The following ITPRID1 variants were observed in gnomAD, a reference collection of about 807,000 sequenced individuals.
ITPRID1 encodes protein ITPRID1.
Under a neutral mutation model 95.4 loss-of-function variants are expected in ITPRID1, and 96 were observed. The observed-to-expected ratio is 1.01, with a 90% CI of 0.85 to 1.19. The LOEUF (loss-of-function observed/expected upper bound fraction) is 1.19. ITPRID1 is among the 50% of genes most tolerant of loss of function. The pLI is 0.00. For missense variants in ITPRID1, 1,339 were observed against 1,252.9 expected, an observed-to-expected ratio of 1.07 and a Z score of -1.04; for synonymous variants, 510 against 453.6, an observed-to-expected ratio of 1.12 and a Z score of -1.58.
chr7:31,530,065 T>G (rs1351727243), intron 1 of ITPRID1, among the ~76,000 whole-genome samples: 2 of 152,158 alleles, frequency 1.3e-5, no homozygotes, highest in Non-Finnish European at 2.9e-5. Flanking sequence ...CCCCCAGGAC[T>G]ACCTAGGTGG....
intron 1 of ITPRID1, among the ~76,000 whole-genome samples, chr7:31,527,846 T>TA (rs1469407456): frequency 2.0e-5 from 3 of 152,208 alleles, no homozygotes; most frequent in Non-Finnish European, 4.4e-5. Context: ...CAACTTATTT[T>TA]AACTATCTCT....
At chr7:31,558,623 G>A (rs187646907) in intron 5 of ITPRID1, among the ~76,000 whole-genome samples, 107 of 152,296 alleles carry the variant, frequency 7.0e-4, no homozygotes, top group Non-Finnish European at 1.2e-3. Flanking sequence ...TAATAATGTA[G>A]TTTGTACTTA....
chr7:31,615,059 TAAAGAGAA>T (rs1011120733), intron 10 of ITPRID1, among the ~76,000 whole-genome samples: 3 of 152,134 alleles, frequency 2.0e-5, no homozygotes, highest in Non-Finnish European at 4.4e-5. Context: ...GTAATTTTCT[TAAAGAGAA>T]TAAAGGCGAC....
chr7:31,550,325 A>G (rs1421596368), intron 2 of ITPRID1, among the ~76,000 whole-genome samples: 1 of 152,076 alleles, frequency 6.6e-6, no homozygotes, highest in African/African-American at 2.4e-5. Context: ...AAGAGACAGA[A>G]GTTACTGGAT....
At chr7:31,572,059 T>C in intron 6 of ITPRID1, 43 bp from the exon 7 acceptor site, 3 of 1,300,348 alleles carry the variant, frequency 2.3e-6, no homozygotes, top group Non-Finnish European at 3.3e-6. Flanking sequence ...CAGGAGACTA[T>C]CTAAATCAAC....
chr7:31,627,606 G>A (rs767287316), intron 10 of ITPRID1, among the ~76,000 whole-genome samples: 9 of 135,440 alleles, frequency 6.6e-5, no homozygotes, highest in Non-Finnish European at 9.1e-5. Context: ...TACGCAGTAA[G>A]CTGCGATCAT....
At chr7:31,580,244 GCCGAGATCGCA>G (rs1785346906) in intron 9 of ITPRID1, among the ~76,000 whole-genome samples, 1 of 147,100 alleles carries the variant, frequency 6.8e-6, no homozygotes, top group Non-Finnish European at 1.5e-5. Context: ...GTTGCAGTGA[GCCGAGATCGCA>G]CCACTGCTCT....
chr7:31,547,541 T>C (rs1235979397), intron 1 of ITPRID1, among the ~76,000 whole-genome samples: 2 of 152,134 alleles, frequency 1.3e-5, no homozygotes, highest in East Asian at 1.9e-4. Context: ...ACTGCCTCCA[T>C]GATCCAATAA....
At chr7:31,573,380 A>T (rs1981666) in intron 7 of ITPRID1, among the ~76,000 whole-genome samples, 73,341 of 150,290 alleles carry the variant, frequency 0.49, 18,494 homozygotes, top group African/African-American at 0.62. Flanking sequence ...TTTTTTTTTT[A>T]AAAAAGAGAC....
chr7:31,619,720 A>G (rs38341), intron 10 of ITPRID1, among the ~76,000 whole-genome samples: 148,443 of 152,140 alleles, frequency 0.98, 72,431 homozygotes, highest in East Asian at 0.99. Flanking sequence ...CTGAGGTACC[A>G]GTTCCATCTC....
intron 10 of ITPRID1, among the ~76,000 whole-genome samples, chr7:31,613,147 T>TA (rs1786955731): frequency 6.6e-6 from 1 of 152,108 alleles, no homozygotes; most frequent in Non-Finnish European, 1.5e-5. Flanking sequence ...CTTTAACCGA[T>TA]AGGATGCTGT....
chr7:31,644,515 T>C (rs1790300404), intron 12 of ITPRID1, among the ~76,000 whole-genome samples: 1 of 152,228 alleles, frequency 6.6e-6, no homozygotes, highest in African/African-American at 2.4e-5. Context: ...TAATCAATTT[T>C]TGTGACTGTT....
Position 31,559,861 on chromosome 7 carries a change from T to C in ITPRID1, c.256+4960T>C, listed in dbSNP as rs930772094. Among the ~76,000 whole-genome samples the C allele has an allele frequency of 8.5e-5, 13 of 152,304 alleles. 1 individual carries two copies. Among genetic ancestry groups the C allele is most frequent in the Admixed American group, 2.6e-4 (4 of 15,298 alleles). ...ACTGAAGAACAAACATGACATCAGC[T>C]CTATTTCCTTGCCCACAGGAACACG... On this transcript the variant is annotated intron_variant, in intron 5 of 14. Transcript: ENST00000615280.
At chr7:31,608,852 T>G (rs373480851) in intron 10 of ITPRID1, among the ~76,000 whole-genome samples, 3 of 151,636 alleles carry the variant, frequency 2.0e-5, no homozygotes, top group African/African-American at 7.2e-5. Context: ...CTTTTTGCCT[T>G]ATTATCCTGG....
intron 1 of ITPRID1, among the ~76,000 whole-genome samples, chr7:31,522,309 T>A (rs1783290507): frequency 6.6e-6 from 1 of 152,230 alleles, no homozygotes; most frequent in African/African-American, 2.4e-5. Context: ...TTGACTTCTC[T>A]ATTTGAAATC....
chr7:31,642,026 GTCC>G, intron 10 of ITPRID1, 147 bp from the exon 11 acceptor site: 1 of 506,588 alleles, frequency 2.0e-6, no homozygotes, highest in Non-Finnish European at 3.6e-6. Context: ...AGAAAAAAAT[GTCC>G]TTGGAATTCC....
intron 1 of ITPRID1, chr7:31,517,662 G>C (rs559130403): frequency 6.6e-6 from 1 of 152,644 alleles, no homozygotes; most frequent in African/African-American, 2.4e-5. Flanking sequence ...CGAGGTCCGT[G>C]CGCAGCCCCG....
intron 1 of ITPRID1, among the ~76,000 whole-genome samples, chr7:31,545,115 G>T (rs1323116299): frequency 6.6e-6 from 1 of 152,140 alleles, no homozygotes; most frequent in Non-Finnish European, 1.5e-5. Flanking sequence ...TCAGAAGTAG[G>T]TTAGAGTCAG....
At chr7:31,530,654 CTG>C (rs1783567107) in intron 1 of ITPRID1, among the ~76,000 whole-genome samples, 1 of 152,140 alleles carries the variant, frequency 6.6e-6, no homozygotes, top group Non-Finnish European at 1.5e-5. Flanking sequence ...CCATTTCTCA[CTG>C]TAAACTTTCA....
Sources: allele counts gnomAD v4.1 joint callset (sites outside exome capture counted in the v4.1 genomes callset), GRCh38; gene constraint gnomAD v4.1.1; transcripts MANE v1.5; gene names NCBI Gene and HGNC (gene_info 2026-07-23, HGNC 2026-07-21).